The following DENND2B variants were observed in gnomAD, a reference collection of about 807,000 sequenced individuals.
The protein encoded by DENND2B is DENN domain containing 2B.
Under a neutral mutation model 116.0 loss-of-function variants are expected in DENND2B, and 32 were observed. The observed-to-expected ratio is 0.28, with a 90% confidence interval of 0.21 to 0.37. DENND2B has a LOEUF of 0.37. Among genes scored for constraint, DENND2B ranks in the 10% least tolerant of loss-of-function variants. DENND2B has a pLI of 1.00. For synonymous variants in DENND2B, 588 were observed against 583.9 expected (o/e 1.01, Z -0.10); for missense variants, 1,276 against 1,477.7 (o/e 0.86, Z 2.24).
chr11:8,836,824 T>G (rs530181696), intron 4 of DENND2B, among the ~76,000 whole-genome samples: 3 of 152,228 alleles, frequency 2.0e-5, no homozygotes, highest in African/African-American at 7.2e-5. Flanking sequence ...CAGGTGGTCC[T>G]CCCACTTCAG....
intron 2 of DENND2B, among the ~76,000 whole-genome samples, chr11:8,867,342 A>G (rs745419921): frequency 3.9e-5 from 6 of 152,170 alleles, no homozygotes; most frequent in Non-Finnish European, 8.8e-5. Context: ...TACATGAACA[A>G]TACGATTAAC....
intron 3 of DENND2B, among the ~76,000 whole-genome samples, chr11:8,840,641 A>C (rs4910062): frequency 0.33 from 50,480 of 151,994 alleles, 10,173 homozygotes; most frequent in Non-Finnish European, 0.44. Context: ...GGCCAAGATG[A>C]AAGTTTTTAC....
intron 1 of DENND2B, chr11:8,881,226 G>A (rs2063901018): frequency 6.6e-6 from 1 of 152,068 alleles, no homozygotes; most frequent in Admixed American, 6.6e-5. Context: ...CCTTAGTATG[G>A]GTACTTTTTC....
rs1201886126 is a variant in DENND2B at position 8,749,581 on chromosome 11, C to T, written c.80+1040G>A. On this transcript the variant is annotated intron_variant, in intron 2 of 19. Transcript: ENST00000313726. Reference sequence around the variant, plus strand: ...CAGTCACTCCCCAGGGGCTACATCCCGTGCACTATTCTACCAACTATATCT... The same window carrying T: ...CAGTCACTCCCCAGGGGCTACATCCTGTGCACTATTCTACCAACTATATCT... 5.3e-5 allele frequency among the ~76,000 whole-genome samples: 8 copies of T among 152,334 alleles called. No homozygotes were observed. In the South Asian group the frequency reaches 1.2e-3, roughly 24 times the overall value.
chr11:8,729,863 G>T, intron 3 of DENND2B, 87 bp downstream of exon 3: 2 of 1,518,928 alleles, frequency 1.3e-6, no homozygotes, highest in South Asian at 1.3e-5. Flanking sequence ...TAATGACTGC[G>T]ACCCATCCTA....
Position 8,730,212 on chromosome 11 carries a change from T to A in DENND2B, c.1078A>T (p.Thr360Ser). Residue 360 changes from threonine to serine, a missense_variant, in exon 3 of 20, where the codon ACT (threonine) becomes TCT (serine). By Grantham distance (58) the Thr-to-Ser change is moderately conservative (BLOSUM62 1). Coordinates refer to ENST00000313726, the MANE Select transcript of DENND2B (RefSeq NM_213618.2). The surrounding 1 kb of genome is among the most constrained non-coding windows in gnomAD (Gnocchi z 4.1). ...PPPEREGSGS[T>S]KPGTPGNSPS... ...CTATTTCCAGGGGTCCCGGGCTTAG[T>A]GGAACCACTGCCTTCCCTCTCTGGG... 6.2e-7 allele frequency: 1 copy of A among 1,613,394 alleles called. No homozygotes were observed. Among genetic ancestry groups the A allele is most frequent in the South Asian group, 1.1e-5 (1 of 91,042 alleles).
chr11:8,901,233 T>TCTTTTTC lies in DENND2B; in HGVS notation c.-256+9587_-256+9588insGAAAAAG, dbSNP rs201151899. ...TTCTTTCTTTTCTTTTCTTTTCTTT[T>TCTTTTTC]TTTTTTTTTTTTTTGAGATGGAGTC... On this transcript the variant is annotated intron_variant, in intron 1 of 22. Coordinates refer to the DENND2B transcript ENST00000534127. Among the ~76,000 whole-genome samples, 209 of 104,308 alleles carry TCTTTTTC rather than the reference T, an allele frequency of 2.0e-3. 1 individual carries two copies. The highest frequency in any genetic ancestry group is 7.2e-3 in the African/African-American group (204 of 28,332). The allele number at this position is 104,308 out of a possible 152,430, so 68.4% of individuals were successfully genotyped here. A position where few individuals can be genotyped will look rare whatever the true frequency, so the allele number is the denominator to read the frequency against.
intron 4 of DENND2B, among the ~76,000 whole-genome samples, chr11:8,834,600 G>A (rs776283086): frequency 1.3e-5 from 2 of 152,200 alleles, no homozygotes; most frequent in Admixed American, 1.3e-4. Flanking sequence ...TCCTCTAGCC[G>A]AGACTGAAGA....
chr11:8,829,046 TTGTG>T (rs2062094151), intron 4 of DENND2B, among the ~76,000 whole-genome samples: 2 of 140,590 alleles, frequency 1.4e-5, no homozygotes, highest in Admixed American at 7.0e-5. Flanking sequence ...TATGGTGTGT[TTGTG>T]TGTGGTGTGT....
intron 1 of DENND2B, among the ~76,000 whole-genome samples, chr11:8,762,629 G>A (rs1404343999): frequency 5.3e-5 from 8 of 152,244 alleles, no homozygotes; most frequent in South Asian, 4.1e-4. Context: ...GGGAGGCCGA[G>A]GCAGGTGGAT....
intron 1 of DENND2B, among the ~76,000 whole-genome samples, chr11:8,765,065 T>G (rs1426430059): frequency 6.6e-6 from 1 of 152,124 alleles, no homozygotes; most frequent in Non-Finnish European, 1.5e-5. Flanking sequence ...CAGAAGGCTC[T>G]GAGTCAACAA....
intron 2 of DENND2B, among the ~76,000 whole-genome samples, chr11:8,860,401 C>T (rs2063351520): frequency 6.6e-6 from 1 of 152,024 alleles, no homozygotes; most frequent in South Asian, 2.1e-4. Flanking sequence ...ATACCAACAA[C>T]CACCAAGATG....
chr11:8,742,926 T>C (rs890389299), intron 2 of DENND2B, among the ~76,000 whole-genome samples: 6 of 152,116 alleles, frequency 3.9e-5, no homozygotes, highest in Non-Finnish European at 7.4e-5. Flanking sequence ...TAGCCAGGCA[T>C]GGTGGTGCAT....
intron 8 of DENND2B, among the ~76,000 whole-genome samples, chr11:8,713,686 TACA>T (rs1276883919): frequency 2.0e-5 from 3 of 152,178 alleles, no homozygotes; most frequent in East Asian, 1.9e-4. Flanking sequence ...GGCTGAGATC[TACA>T]ACATTTACCA....
At chr11:8,737,031 C>T (rs951982824) in intron 2 of DENND2B, among the ~76,000 whole-genome samples, 10 of 152,116 alleles carry the variant, frequency 6.6e-5, no homozygotes, top group Admixed American at 6.5e-5. Flanking sequence ...CTGGTAGAGA[C>T]GGATCTACTT....
Position 8,717,721 on chromosome 11 carries a change from C to G in DENND2B, c.1629+20G>C, listed in dbSNP as rs374322597. ...TGGCCCTCACGCTAACCCTACAGGC[C>G]GATGTCAGGGCTGAGTTACCTGTGT... is the stretch of plus-strand genomic sequence containing the variant. On this transcript the variant is annotated intron_variant, in intron 5 of 19. Coordinates refer to ENST00000313726, the MANE Select transcript of DENND2B (RefSeq NM_213618.2). The G allele has an allele frequency of 9.1e-6, 14 of 1,530,454 alleles. No homozygotes were observed. Among genetic ancestry groups the G allele is most frequent in the Non-Finnish European group, 1.2e-5 (14 of 1,136,276 alleles). The allele number at this position is 1,530,454 out of a possible 1,614,324, so 94.8% of individuals were successfully genotyped here. A position where few individuals can be genotyped will look rare whatever the true frequency, so the allele number is the denominator to read the frequency against.
At chr11:8,718,920 G>C (rs2045624591) in intron 4 of DENND2B, 1 of 987,830 alleles carries the variant, frequency 1.0e-6, no homozygotes, top group Non-Finnish European at 1.2e-6. Flanking sequence ...AATCCTGGTG[G>C]CAGAATCCGT....
intron 1 of DENND2B, among the ~76,000 whole-genome samples, chr11:8,908,885 G>T (rs2064272668): frequency 6.6e-6 from 1 of 152,136 alleles, no homozygotes; most frequent in African/African-American, 2.4e-5. Flanking sequence ...ACATACTAAT[G>T]CTAGCTAAGT....
intron 1 of DENND2B, among the ~76,000 whole-genome samples, chr11:8,886,105 A>T (rs1458601388): frequency 1.3e-5 from 2 of 151,840 alleles, no homozygotes; most frequent in South Asian, 2.1e-4. Context: ...GCTAATTTTT[A>T]AAATTTTTTT....
Sources: allele counts gnomAD v4.1 joint callset (sites outside exome capture counted in the v4.1 genomes callset), GRCh38; gene constraint gnomAD v4.1.1; non-coding constraint Gnocchi (gnomAD v3.1); transcripts MANE v1.5; gene names NCBI Gene and HGNC (gene_info 2026-07-23, HGNC 2026-07-21).